The following METTL25 variants were observed in gnomAD, a reference collection of about 807,000 sequenced individuals.
The protein encoded by METTL25 is probable methyltransferase-like protein 25.
A neutral mutation model predicts 71.6 loss-of-function variants in METTL25; 64 were observed. That is an observed-to-expected ratio of 0.89 (90% CI 0.73 to 1.10). The LOEUF is 1.10. METTL25 is among the 50% of genes least tolerant of loss of function. The pLI, the probability that METTL25 is intolerant of heterozygous loss-of-function variation, is 0.00. For missense variants in METTL25, 807 were observed against 707.0 expected (o/e 1.14, Z -1.60); for synonymous variants, 287 against 250.3 (o/e 1.15, Z -1.38).
At chr12:82,361,379 A>G (rs1881860141) in intron 1 of METTL25, among the ~76,000 whole-genome samples, 1 of 152,238 alleles carries the variant, frequency 6.6e-6, no homozygotes, top group Non-Finnish European at 1.5e-5. Context: ...TTGGGGCTGC[A>G]GGTGGAGCTG....
At position 82,405,814 on chromosome 12, in the gene METTL25, T is replaced by C. The variant is rs12314588; in HGVS notation, c.1279+2684T>C. On this transcript the variant is annotated intron_variant, in intron 5 of 11. Transcript: ENST00000248306. ...GAGAGGCACCAGATTCCATTCACTT[T>C]TGTATCTTCAGTACTAAGCACATTC... 2.4e-3 allele frequency among the ~76,000 whole-genome samples: 371 copies of C among 152,326 alleles called. 1 individual carries two copies. Among genetic ancestry groups the C allele is most frequent in the African/African-American group, 8.2e-3 (340 of 41,590 alleles).
At chr12:82,471,603 T>G (rs1892574010) in intron 9 of METTL25, among the ~76,000 whole-genome samples, 1 of 152,210 alleles carries the variant, frequency 6.6e-6, no homozygotes, top group African/African-American at 2.4e-5. Context: ...TTAGGGCACA[T>G]TGTTCTTTAT....
At chr12:82,385,546 G>A (rs913302765) in intron 1 of METTL25, among the ~76,000 whole-genome samples, 3 of 152,104 alleles carry the variant, frequency 2.0e-5, no homozygotes, top group East Asian at 3.9e-4. Flanking sequence ...GGACTTTCCC[G>A]TCTATTGAGC....
chr12:82,367,370 A>T (rs1310689440), intron 1 of METTL25, among the ~76,000 whole-genome samples: 2 of 152,040 alleles, frequency 1.3e-5, no homozygotes, highest in East Asian at 1.9e-4. Flanking sequence ...CCTTGGTTTT[A>T]AAAAAAACTT....
chr12:82,424,726 T>C (rs1263307679), intron 5 of METTL25, among the ~76,000 whole-genome samples: 2 of 151,976 alleles, frequency 1.3e-5, no homozygotes, highest in African/African-American at 4.8e-5. Flanking sequence ...CAAATTTAAT[T>C]AGTTAAGATG....
intron 5 of METTL25, among the ~76,000 whole-genome samples, chr12:82,410,516 A>G (rs1887474794): frequency 6.6e-6 from 1 of 152,100 alleles, no homozygotes; most frequent in Admixed American, 6.6e-5. Context: ...TTCCGTTTCC[A>G]GCAGTGTGAG....
At chr12:82,372,215 T>C (rs1032666546) in intron 1 of METTL25, among the ~76,000 whole-genome samples, 1 of 152,176 alleles carries the variant, frequency 6.6e-6, no homozygotes, top group African/African-American at 2.4e-5. Flanking sequence ...AGGTCTGCCT[T>C]GATCTGCTTT....
intron 8 of METTL25, among the ~76,000 whole-genome samples, chr12:82,446,806 G>A (rs1250756405): frequency 2.6e-5 from 4 of 151,210 alleles, no homozygotes; most frequent in Non-Finnish European, 5.9e-5. Flanking sequence ...TAGTAGAGAC[G>A]GGGTTTCACT....
chr12:82,420,193 G>C (rs1274493154), intron 5 of METTL25, among the ~76,000 whole-genome samples: 1 of 152,084 alleles, frequency 6.6e-6, no homozygotes, highest in East Asian at 1.9e-4. Flanking sequence ...GGGTGGGAGA[G>C]AAATAGGGAA....
chr12:82,388,863 C>T (rs1342579253), intron 2 of METTL25: 1 of 152,026 alleles, frequency 6.6e-6, no homozygotes, highest in Non-Finnish European at 1.5e-5. Flanking sequence ...AGACCATGTC[C>T]TAAAGTGCCC....
chr12:82,386,183 T>C (rs1884972956), intron 1 of METTL25, among the ~76,000 whole-genome samples: 1 of 152,118 alleles, frequency 6.6e-6, no homozygotes, highest in African/African-American at 2.4e-5. Flanking sequence ...TGACAGTGCA[T>C]TGAGCACGTG....
intron 6 of METTL25, among the ~76,000 whole-genome samples, chr12:82,432,719 C>G (rs1359564585): frequency 2.0e-5 from 3 of 151,498 alleles, no homozygotes; most frequent in Non-Finnish European, 4.4e-5. Context: ...CCATCCCAAC[C>G]CATGTCCACC....
intron 5 of METTL25, among the ~76,000 whole-genome samples, chr12:82,414,283 A>T (rs1887787148): frequency 6.6e-6 from 1 of 152,152 alleles, no homozygotes; most frequent in Non-Finnish European, 1.5e-5. Flanking sequence ...AGATTTCTAG[A>T]TGTACTTGGC....
intron 8 of METTL25, among the ~76,000 whole-genome samples, chr12:82,449,911 G>C (rs1288377022): frequency 6.6e-6 from 1 of 151,936 alleles, no homozygotes; most frequent in African/African-American, 2.4e-5. Flanking sequence ...CTTTAAACAT[G>C]TTTCAGTAAG....
At chr12:82,379,429 A>G (rs1458314345) in intron 1 of METTL25, among the ~76,000 whole-genome samples, 1 of 152,240 alleles carries the variant, frequency 6.6e-6, no homozygotes, top group East Asian at 1.9e-4. Context: ...TTTATTATTC[A>G]GAAAATATTT....
chr12:82,425,879 C>CT lies in METTL25; in HGVS notation c.1280-5013dup, dbSNP rs934341430. Among the ~76,000 whole-genome samples, 4 of 152,082 alleles carry CT rather than the reference C, an allele frequency of 2.6e-5. No individual in the cohort carries two copies. The East Asian group carries it at 7.8e-4, about 30-fold the overall frequency. ...CAAGAAGGAATAACTAGTACAATCT[C>CT]TAAGAGATTATTGATTCTAAAGCTT... On this transcript the variant is annotated intron_variant, in intron 5 of 11. Transcript: ENST00000248306.
At chr12:82,407,044 T>C (rs1041850605) in intron 5 of METTL25, among the ~76,000 whole-genome samples, 1 of 152,154 alleles carries the variant, frequency 6.6e-6, no homozygotes, top group Non-Finnish European at 1.5e-5. Flanking sequence ...ATAATCCTAA[T>C]GTCCATTTCA....
chr12:82,408,918 T>C (rs1316366090), intron 5 of METTL25, among the ~76,000 whole-genome samples: 1 of 152,174 alleles, frequency 6.6e-6, no homozygotes, highest in Non-Finnish European at 1.5e-5. Flanking sequence ...TGTGTCCTTC[T>C]CTTAATATCT....
chr12:82,415,546 C>T (rs1013132774), intron 5 of METTL25, among the ~76,000 whole-genome samples: 3 of 151,998 alleles, frequency 2.0e-5, no homozygotes, highest in African/African-American at 7.2e-5. Context: ...GGCTGGAGAC[C>T]CAGGAAAGCC....
Sources: allele counts gnomAD v4.1 joint callset (sites outside exome capture counted in the v4.1 genomes callset), GRCh38; gene constraint gnomAD v4.1.1; transcripts MANE v1.5; gene names NCBI Gene and HGNC (gene_info 2026-07-23, HGNC 2026-07-21).